PCDHGB2: variants seen among roughly 807,000 people sequenced by gnomAD.
PCDHGB2 encodes protocadherin gamma-B2.
In PCDHGB2, 55 loss-of-function variants were observed where a neutral mutation model predicts 59.3. The observed-to-expected ratio is 0.93, with a 90% CI of 0.75 to 1.16. The LOEUF (loss-of-function observed/expected upper bound fraction) is 1.16. PCDHGB2 is among the 50% of genes most tolerant of loss of function. The probability of loss-of-function intolerance (pLI) is 0.00; values close to 1 mark genes in which losing one functional copy is unlikely to be tolerated. For missense variants in PCDHGB2, 1,228 were observed against 1,198.5 expected (o/e 1.02, Z -0.36); for synonymous variants, 516 against 512.0 (o/e 1.01, Z -0.11).
chr5:141,419,794 T>C (rs368369787), intron 1 of PCDHGB2: 54 of 1,613,930 alleles, frequency 3.3e-5, no homozygotes, highest in Non-Finnish European at 4.5e-5. Flanking sequence ...TGCTAGTCGC[T>C]GTAAGAGATG....
chr5:141,369,242 A>G (rs1766108609), intron 1 of PCDHGB2, among the ~76,000 whole-genome samples: 1 of 152,200 alleles, frequency 6.6e-6, no homozygotes, highest in South Asian at 2.1e-4. Flanking sequence ...TTACTTATAT[A>G]ATTAAATAAT....
chr5:141,385,081 T>G, intron 1 of PCDHGB2: 1 of 1,614,164 alleles, frequency 6.2e-7, no homozygotes, highest in Non-Finnish European at 8.5e-7. Flanking sequence ...GCTGCAGGCT[T>G]CAGAAGGTGG....
chr5:141,399,833 C>T (rs1233031581), intron 1 of PCDHGB2: 1 of 1,613,140 alleles, frequency 6.2e-7, no homozygotes, highest in Non-Finnish European at 8.5e-7. Context: ...GACGGCTCTG[C>T]GCTCTTCGAT....
In PCDHGB2 at chr5:141,485,869, G is replaced by A; in HGVS notation, c.2422-8938G>A. On this transcript the variant is annotated intron_variant, in intron 1 of 3. Coordinates refer to ENST00000522605, the MANE Select transcript of PCDHGB2 (RefSeq NM_018923.3). The surrounding 1 kb of genome is among the most constrained non-coding windows in gnomAD (Gnocchi z 5.7). ...GCACCGCAGAGCTCCGGGTATCCGT[G>A]CTGGACGTAAACGACAACGCCCCAG... is the stretch of plus-strand genomic sequence containing the variant. 1 of 1,614,176 alleles carries A rather than the reference G, an allele frequency of 6.2e-7. No individual in the cohort carries two copies. The highest frequency in any genetic ancestry group is 8.5e-7 in the Non-Finnish European group (1 of 1,180,040).
At chr5:141,376,087 C>T in intron 1 of PCDHGB2, 3 of 1,613,656 alleles carry the variant, frequency 1.9e-6, no homozygotes, top group Non-Finnish European at 2.5e-6. Flanking sequence ...CCGACAGGAT[C>T]CCCGACATCC....
At chr5:141,481,703 C>T (rs909197135) in intron 1 of PCDHGB2, among the ~76,000 whole-genome samples, 1 of 152,090 alleles carries the variant, frequency 6.6e-6, no homozygotes, top group Admixed American at 6.5e-5. Context: ...CCTGTAATCC[C>T]AGCACTTTGG....
intron 1 of PCDHGB2, among the ~76,000 whole-genome samples, chr5:141,488,802 A>G (rs910422824): frequency 2.0e-5 from 3 of 152,294 alleles, no homozygotes; most frequent in Middle Eastern, 3.4e-3. Flanking sequence ...CCTGTTGAGT[A>G]CCATCTGAGC....
chr5:141,466,020 G>A (rs973577698), intron 1 of PCDHGB2, among the ~76,000 whole-genome samples: 2 of 151,974 alleles, frequency 1.3e-5, no homozygotes, highest in South Asian at 4.1e-4. Context: ...TACTCGGGAG[G>A]GTGAGGCAGG....
At chr5:141,435,994 G>T (rs1007093302) in intron 1 of PCDHGB2, among the ~76,000 whole-genome samples, 18 of 152,046 alleles carry the variant, frequency 1.2e-4, no homozygotes, top group Admixed American at 1.2e-3. Context: ...GTGATTTTTT[G>T]AAAGAAAGTA....
intron 1 of PCDHGB2, chr5:141,421,585 G>A: frequency 1.2e-6 from 2 of 1,613,916 alleles, no homozygotes; most frequent in Non-Finnish European, 1.7e-6. Context: ...GATTTACGGA[G>A]TGGAGGTGGA....
At position 141,485,120 on chromosome 5, in the gene PCDHGB2, G is replaced by T; in HGVS notation, c.2422-9687G>T. The T allele has an allele frequency of 7.4e-7, 1 of 1,348,050 alleles. No individual in the cohort carries two copies. Among genetic ancestry groups the T allele is most frequent in the Non-Finnish European group, 1.0e-6 (1 of 952,710 alleles). 83.5% of individuals were successfully genotyped at this position (1,348,050 alleles called of 1,614,324 possible). On this transcript the variant is annotated intron_variant, in intron 1 of 3. Transcript: ENST00000522605. The surrounding 1 kb of genome is among the most constrained non-coding windows in gnomAD (Gnocchi z 5.7). ...TCCAGCTGCTGTGGCTGTTTGGGGC[G>T]GGTCGGCTTCATCCGCGTCTCAGGA...
chr5:141,486,760 G>C lies in PCDHGB2; in HGVS notation c.2422-8047G>C. ...GATCCTTTGACTATGAGCAAACCCAGACACTGCAGTTTGAGGTGCAGGCCC... is the reference window on the plus strand; with the variant it reads ...GATCCTTTGACTATGAGCAAACCCACACACTGCAGTTTGAGGTGCAGGCCC... On this transcript the variant is annotated intron_variant, in intron 1 of 3. Transcript: ENST00000522605. This position sits in a 1 kb window ranked among gnomAD's most constrained non-coding sequence, Gnocchi z 5.0. 1.2e-6 allele frequency: 2 copies of C among 1,614,240 alleles called. No homozygotes were observed. The highest frequency in any genetic ancestry group is 2.2e-5 in the South Asian group (2 of 91,086).
Position 141,485,626 on chromosome 5 carries a change from T to A in PCDHGB2, c.2422-9181T>A, listed in dbSNP as rs2099616815. 6.2e-7 allele frequency: 1 copy of A among 1,611,740 alleles called. No individual in the cohort carries two copies. On this transcript the variant is annotated intron_variant, in intron 1 of 3. Coordinates refer to ENST00000522605, the MANE Select transcript of PCDHGB2 (RefSeq NM_018923.3). This position sits in a 1 kb window ranked among gnomAD's most constrained non-coding sequence, Gnocchi z 5.7. Reference sequence around the variant, plus strand: ...GGGAGGCAGCTCCTCCAGGACAGCGTTTCCCGTTGGAAAAGGCTCAGGATG... The same window carrying A: ...GGGAGGCAGCTCCTCCAGGACAGCGATTCCCGTTGGAAAAGGCTCAGGATG...
chr5:141,421,871 C>CT, intron 1 of PCDHGB2: 1 of 1,613,756 alleles, frequency 6.2e-7, no homozygotes, highest in East Asian at 2.2e-5. Flanking sequence ...CTCCTCACAG[C>CT]TTTAGATGGA....
chr5:141,377,296 T>A (rs555068589), intron 1 of PCDHGB2: 1 of 152,208 alleles, frequency 6.6e-6, no homozygotes, highest in Non-Finnish European at 1.5e-5. Flanking sequence ...TTAATTTAGG[T>A]CAGTGTTAAA....
Position 141,421,259 on chromosome 5 carries a change from G to C in PCDHGB2, c.2421+58703G>C. The C allele has an allele frequency of 6.2e-7, 1 of 1,609,254 alleles. No individual in the cohort carries two copies. The highest frequency in any genetic ancestry group is 8.5e-7 in the Non-Finnish European group (1 of 1,178,538). The stretch of plus-strand genomic sequence containing the variant: ...AATCGGCTACAGCGCGGGGACCGCA[G>C]TCGGCTGCTGCTGCTGCTGTGCATT... On this transcript the variant is annotated intron_variant, in intron 1 of 3. Transcript: ENST00000522605.
At chr5:141,376,753 C>A in intron 1 of PCDHGB2, 1 of 450,078 alleles carries the variant, frequency 2.2e-6, no homozygotes, top group South Asian at 2.7e-5. Flanking sequence ...GTGGCGCAAT[C>A]TCGGCTCACT....
rs141034739 is a variant in PCDHGB2 at position 141,491,100 on chromosome 5, C to T, written c.2422-3707C>T. The T allele has an allele frequency of 2.7e-4, 430 of 1,614,138 alleles. No homozygotes were observed. The African/African-American group carries it at 4.7e-3, about 18-fold the overall frequency. ...AGTCCACAGCCCCAGGACTGTTCCT[C>T]GTGTCTACACACACTGGTGAGGTGC... On this transcript the variant is annotated intron_variant, in intron 1 of 3. Transcript: ENST00000522605. The surrounding 1 kb of genome is among the most constrained non-coding windows in gnomAD (Gnocchi z 6.9).
chr5:141,371,438 CCTGGCTT>C (rs750409810), intron 1 of PCDHGB2: 1 of 1,613,882 alleles, frequency 6.2e-7, no homozygotes, highest in Non-Finnish European at 8.5e-7. Context: ...CGGAGATAAC[CCTGGCTT>C]CTGAATCCCA....
Sources: allele counts gnomAD v4.1 joint callset (sites outside exome capture counted in the v4.1 genomes callset), GRCh38; gene constraint gnomAD v4.1.1; non-coding constraint Gnocchi (gnomAD v3.1); transcripts MANE v1.5; gene names NCBI Gene and HGNC (gene_info 2026-07-23, HGNC 2026-07-21).